Variants in PHF24 observed in about 807,000 individuals in gnomAD.
PHF24 encodes the protein PHD finger protein 24, also known as Galpha inhibitory interacting protein.
In PHF24, 25 loss-of-function variants were observed where a neutral mutation model predicts 42.6. The observed-to-expected ratio is 0.59, with a 90% CI of 0.43 to 0.82. The LOEUF (loss-of-function observed/expected upper bound fraction) is 0.82, where lower values mean the gene tolerates loss of function less well. Ranked by LOEUF, PHF24 falls within the 40% of genes least tolerant of loss-of-function variation. PHF24 has a pLI of 0.00. For missense variants in PHF24, 470 were observed against 538.1 expected (o/e 0.87, Z 1.25); for synonymous variants, 185 against 204.8 (o/e 0.90, Z 0.83).
the PHF24 span, among the ~76,000 whole-genome samples, chr9:34,791,372 G>A: frequency 2.0e-5 from 3 of 152,176 alleles, no homozygotes; most frequent in African/African-American, 7.2e-5. Flanking sequence ...GGGGGACACT[G>A]CAGAGGAGCA....
At chr9:34,837,916 C>T in the PHF24 span, among the ~76,000 whole-genome samples, 1 of 152,216 alleles carries the variant, frequency 6.6e-6, no homozygotes, top group East Asian at 1.9e-4. Context: ...TCTATACCTT[C>T]CATCTGATTC....
chr9:34,765,200 T>C, the PHF24 span, among the ~76,000 whole-genome samples: 17 of 152,292 alleles, frequency 1.1e-4, no homozygotes, highest in Admixed American at 5.2e-4. Flanking sequence ...GAGAGTTCTG[T>C]AGATGTCTAT....
At chr9:34,969,606 A>C (rs921445093) in intron 1 of PHF24, among the ~76,000 whole-genome samples, 2 of 147,990 alleles carry the variant, frequency 1.4e-5, no homozygotes, top group Non-Finnish European at 3.0e-5. Flanking sequence ...GTGCCACTGC[A>C]CTCCAGCCTG....
the PHF24 span, among the ~76,000 whole-genome samples, chr9:34,742,602 A>AT: frequency 2.9e-3 from 442 of 151,808 alleles, 3 homozygotes; most frequent in East Asian, 0.011. Flanking sequence ...TTTATTTTGT[A>AT]TTTTTTTTAT....
At chr9:34,758,219 T>G in the PHF24 span, among the ~76,000 whole-genome samples, 1 of 152,260 alleles carries the variant, frequency 6.6e-6, no homozygotes, top group African/African-American at 2.4e-5. The surrounding 1 kb of genome is among the most constrained non-coding windows in gnomAD (Gnocchi z 4.4). Context: ...CAGACCTTGA[T>G]AGCAGGCATG....
At chr9:34,887,919 G>A in the PHF24 span, among the ~76,000 whole-genome samples, 23 of 152,172 alleles carry the variant, frequency 1.5e-4, no homozygotes, top group African/African-American at 5.5e-4. Context: ...TTGAAGGAAT[G>A]AAGAATGGGT....
the PHF24 span, among the ~76,000 whole-genome samples, chr9:34,901,674 G>T: frequency 6.6e-6 from 1 of 152,172 alleles, no homozygotes; most frequent in Admixed American, 6.5e-5. Flanking sequence ...CCAGCACTTT[G>T]GGAGGCCGAG....
At chr9:34,898,209 C>T in the PHF24 span, among the ~76,000 whole-genome samples, 1 of 152,180 alleles carries the variant, frequency 6.6e-6, no homozygotes, top group African/African-American at 2.4e-5. Context: ...ATTGCTGGAT[C>T]AAATGGTAGT....
At chr9:34,743,913 C>T in the PHF24 span, among the ~76,000 whole-genome samples, 3 of 152,144 alleles carry the variant, frequency 2.0e-5, no homozygotes, top group African/African-American at 7.2e-5. Context: ...TGGTGGAAGG[C>T]AGAAGGCAGA....
the PHF24 span, among the ~76,000 whole-genome samples, chr9:34,857,892 T>G: frequency 6.6e-6 from 1 of 152,174 alleles, no homozygotes; most frequent in Non-Finnish European, 1.5e-5. Context: ...TCCATTTGAT[T>G]TTTAAAAAGT....
chr9:34,936,634 T>A, the PHF24 span, among the ~76,000 whole-genome samples: 77 of 133,762 alleles, frequency 5.8e-4, no homozygotes, highest in East Asian at 3.3e-3. Flanking sequence ...GAGCGCCTCT[T>A]CCCGGCCGCC....
chr9:34,823,085 A>G, the PHF24 span, among the ~76,000 whole-genome samples: 2 of 150,822 alleles, frequency 1.3e-5, no homozygotes, highest in Non-Finnish European at 3.0e-5. Context: ...AGTCCCAGCT[A>G]CTGGGGAGGC....
chr9:34,926,247 T>C, the PHF24 span, among the ~76,000 whole-genome samples: 6 of 152,198 alleles, frequency 3.9e-5, no homozygotes, highest in African/African-American at 2.4e-5. The surrounding 1 kb of genome is among the most constrained non-coding windows in gnomAD (Gnocchi z 4.3). Flanking sequence ...TATTACTCTG[T>C]CCAGGAGCAT....
At chr9:34,953,323 C>CTT (rs1247824970), upstream of PHF24, among the ~76,000 whole-genome samples, 1 of 152,092 alleles carries the variant, frequency 6.6e-6, no homozygotes, top group Non-Finnish European at 1.5e-5. This position sits in a 1 kb window ranked among gnomAD's most constrained non-coding sequence, Gnocchi z 4.1. Flanking sequence ...TCTTTTTTAT[C>CTT]TTTTATTGTA....
the PHF24 span, among the ~76,000 whole-genome samples, chr9:34,752,061 G>A: frequency 9.9e-5 from 15 of 151,860 alleles, no homozygotes; most frequent in Admixed American, 7.2e-4. Flanking sequence ...CAATACTAAC[G>A]GGGAAGTTTA....
chr9:34,869,234 T>A, the PHF24 span, among the ~76,000 whole-genome samples: 1 of 152,206 alleles, frequency 6.6e-6, no homozygotes, highest in African/African-American at 2.4e-5. Flanking sequence ...TGTATCTTTA[T>A]AATAGAATGA....
chr9:34,837,064 A>C, the PHF24 span: 1 of 471,282 alleles, frequency 2.1e-6, no homozygotes, highest in Non-Finnish European at 4.4e-6. Context: ...GCAATAGATC[A>C]CCTTTTCATG....
At chr9:34,787,380 T>C in the PHF24 span, among the ~76,000 whole-genome samples, 1 of 151,544 alleles carries the variant, frequency 6.6e-6, no homozygotes, top group South Asian at 2.1e-4. Context: ...GAGAACTAGA[T>C]TGGGAAACTG....
At chr9:34,936,456 A>C in the PHF24 span, among the ~76,000 whole-genome samples, 2 of 151,734 alleles carry the variant, frequency 1.3e-5, no homozygotes, top group African/African-American at 4.8e-5. Flanking sequence ...TGGCCTCCCA[A>C]AATGCCGAGA....
Sources: allele counts gnomAD v4.1 joint callset (sites outside exome capture counted in the v4.1 genomes callset), GRCh38; gene constraint gnomAD v4.1.1; non-coding constraint Gnocchi (gnomAD v3.1); transcripts MANE v1.5; gene names NCBI Gene and HGNC (gene_info 2026-07-23, HGNC 2026-07-21).